Variants in CDH12 observed in about 807,000 individuals in gnomAD.
The protein encoded by CDH12 is cadherin-12.
A neutral mutation model predicts 74.1 loss-of-function variants in CDH12; 41 were observed. The ratio of observed to expected loss-of-function variants is 0.55; its 90% CI spans 0.43 to 0.72. The LOEUF is 0.72. Ranked by LOEUF, CDH12 falls within the 30% of genes least tolerant of loss-of-function variation. The pLI is 0.00. For synonymous variants in CDH12, 399 were observed against 355.0 expected (o/e 1.12, Z -1.39); for missense variants, 945 against 977.2 (o/e 0.97, Z 0.44).
chr5:22,162,068 G>A (rs1270011474), intron 4 of CDH12, among the ~76,000 whole-genome samples: 2 of 150,052 alleles, frequency 1.3e-5, no homozygotes, highest in Non-Finnish European at 3.0e-5. Context: ...CTAGAAGCAG[G>A]GCTCAGTCAC....
At chr5:22,171,878 G>T (rs977904145) in intron 4 of CDH12, among the ~76,000 whole-genome samples, 4 of 151,840 alleles carry the variant, frequency 2.6e-5, no homozygotes, top group African/African-American at 7.2e-5. Context: ...AATTGTGCAA[G>T]GTTAATCCAG....
At chr5:22,343,268 A>G (rs1739954724) in intron 3 of CDH12, among the ~76,000 whole-genome samples, 1 of 147,670 alleles carries the variant, frequency 6.8e-6, no homozygotes, top group African/African-American at 2.5e-5. Flanking sequence ...TAAATCACAG[A>G]TAAAACATAA....
chr5:22,124,138 T>G (rs979396855), intron 4 of CDH12, among the ~76,000 whole-genome samples: 1 of 151,298 alleles, frequency 6.6e-6, no homozygotes, highest in African/African-American at 2.4e-5. Context: ...TGCTGATTAT[T>G]ATTATTATTA....
chr5:22,590,678 T>C (rs1457119176), intron 1 of CDH12, among the ~76,000 whole-genome samples: 1 of 152,218 alleles, frequency 6.6e-6, no homozygotes, highest in Non-Finnish European at 1.5e-5. Context: ...ATTACTGTTG[T>C]CTTATTCTAA....
At chr5:22,798,636 C>A (rs1173241751) in intron 1 of CDH12, among the ~76,000 whole-genome samples, 1 of 151,912 alleles carries the variant, frequency 6.6e-6, no homozygotes, top group Non-Finnish European at 1.5e-5. Flanking sequence ...AACTCAAAAG[C>A]ATTCATATAT....
At position 21,910,668 on chromosome 5, in the gene CDH12, G is replaced by A. The variant is rs901176351; in HGVS notation, c.527-55878C>T. On this transcript the variant is annotated intron_variant, in intron 6 of 14. Coordinates refer to ENST00000382254, the MANE Select transcript of CDH12 (RefSeq NM_004061.5). The stretch of plus-strand genomic sequence containing the variant: ...AGAGGTATTTTCCAAGAGAAAGGTA[G>A]GATTTATCTTTTTTTTTTTTTAATC... 6.0e-5 allele frequency among the ~76,000 whole-genome samples: 7 copies of A among 116,850 alleles called. No homozygotes were observed. In the South Asian group the frequency reaches 1.2e-3, roughly 20 times the overall value. 76.7% of individuals were successfully genotyped at this position (116,850 alleles called of 152,430 possible).
chr5:22,713,567 G>A (rs965481909), intron 1 of CDH12, among the ~76,000 whole-genome samples: 1 of 148,018 alleles, frequency 6.8e-6, no homozygotes, highest in Admixed American at 6.8e-5. Flanking sequence ...GGAAAAATGT[G>A]TGACACAATA....
At chr5:22,424,207 T>C (rs995148519) in intron 2 of CDH12, among the ~76,000 whole-genome samples, 3 of 152,058 alleles carry the variant, frequency 2.0e-5, no homozygotes, top group Non-Finnish European at 4.4e-5. Context: ...CTTCTTACCA[T>C]GTATCTGTGA....
intron 1 of CDH12, among the ~76,000 whole-genome samples, chr5:22,714,190 T>C: frequency 6.6e-6 from 1 of 152,268 alleles, no homozygotes; most frequent in Admixed American, 6.5e-5. Context: ...TCCTCCCTAG[T>C]TTTTGTATTT....
At chr5:22,794,848 A>G (rs2126396212) in intron 1 of CDH12, among the ~76,000 whole-genome samples, 1 of 152,260 alleles carries the variant, frequency 6.6e-6, no homozygotes, top group East Asian at 1.9e-4. Flanking sequence ...TGGAATCACA[A>G]GTGTTCTAAT....
chr5:22,334,631 G>C (rs1028573004), intron 3 of CDH12, among the ~76,000 whole-genome samples: 1 of 152,104 alleles, frequency 6.6e-6, no homozygotes. Context: ...AAAACAGCAT[G>C]ATACTGGCAT....
chr5:22,844,379 T>C (rs1737210685), intron 1 of CDH12, among the ~76,000 whole-genome samples: 1 of 152,070 alleles, frequency 6.6e-6, no homozygotes, highest in Admixed American at 6.6e-5. Flanking sequence ...TGATCCATCA[T>C]TAACCTAAGT....
chr5:21,761,742 T>TAG (rs1554027352), intron 12 of CDH12, among the ~76,000 whole-genome samples: 83 of 147,462 alleles, frequency 5.6e-4, no homozygotes, highest in Admixed American at 8.2e-4. Flanking sequence ...GATGGATAGA[T>TAG]ATAGATAGAT....
chr5:21,913,969 A>G (rs977813735), intron 6 of CDH12, among the ~76,000 whole-genome samples: 2 of 152,116 alleles, frequency 1.3e-5, no homozygotes, highest in Non-Finnish European at 2.9e-5. Context: ...CAGGTGTGAC[A>G]CACCACACCC....
rs1353322229 is a variant in CDH12 at position 22,070,091 on chromosome 5, A to T, written c.231+8355T>A. 3.3e-5 allele frequency among the ~76,000 whole-genome samples: 5 copies of T among 152,278 alleles called. No individual in the cohort carries two copies. The East Asian group carries it at 5.8e-4, about 18-fold the overall frequency. ...CCTTATTTTATTTTAAATATGATATATTTAATATCTTTTTTCTTCCCTCTC... is the reference window on the plus strand; with the variant it reads ...CCTTATTTTATTTTAAATATGATATTTTTAATATCTTTTTTCTTCCCTCTC... On this transcript the variant is annotated intron_variant, in intron 5 of 14. Transcript: ENST00000382254.
chr5:21,934,960 G>GT (rs543233125), intron 6 of CDH12, among the ~76,000 whole-genome samples: 13 of 152,002 alleles, frequency 8.6e-5, no homozygotes, highest in African/African-American at 1.7e-4. Context: ...CTAATTTTTT[G>GT]TTTTTTTCGT....
At chr5:22,277,364 G>T (rs138945919) in intron 3 of CDH12, among the ~76,000 whole-genome samples, 4 of 152,162 alleles carry the variant, frequency 2.6e-5, no homozygotes, top group African/African-American at 9.7e-5. Context: ...TTCTAGAGTG[G>T]ACTTGGGCCC....
chr5:22,035,682 G>A (rs1234518763), intron 5 of CDH12, among the ~76,000 whole-genome samples: 1 of 146,724 alleles, frequency 6.8e-6, no homozygotes, highest in East Asian at 2.1e-4. Flanking sequence ...TTATGAAGAG[G>A]TTTACTTCTT....
At chr5:22,826,356 T>A (rs1736321804) in intron 1 of CDH12, among the ~76,000 whole-genome samples, 1 of 152,182 alleles carries the variant, frequency 6.6e-6, no homozygotes, top group East Asian at 1.9e-4. Flanking sequence ...TTAAAGCTCT[T>A]TCCTTTGTAA....
Sources: gnomAD v4.1 joint callset for allele counts (sites outside exome capture counted in the v4.1 genomes callset) on GRCh38, gnomAD v4.1.1 for gene constraint, MANE v1.5 for transcripts, NCBI Gene and HGNC (gene_info 2026-07-23, HGNC 2026-07-21) for gene names.